Variants in VWA3B observed in about 807,000 individuals in gnomAD.
The protein encoded by VWA3B is von Willebrand factor A domain containing 3B.
Under a neutral mutation model 158.3 loss-of-function variants are expected in VWA3B, and 138 were observed. The ratio of observed to expected loss-of-function variants is 0.87; its 90% CI spans 0.76 to 1.00. The LOEUF is 1.00. Among genes scored for constraint, VWA3B ranks in the 50% least tolerant of loss-of-function variants. VWA3B has a pLI of 0.00. For synonymous variants in VWA3B, 596 were observed against 587.3 expected, an observed-to-expected ratio of 1.01 and a Z score of -0.21; for missense variants, 1,555 against 1,565.1, an observed-to-expected ratio of 0.99 and a Z score of 0.11.
At chr2:98,326,095 A>G in the VWA3B span, among the ~76,000 whole-genome samples, 1 of 152,352 alleles carries the variant, frequency 6.6e-6, no homozygotes, top group East Asian at 1.9e-4. Context: ...TCCATGCAAC[A>G]AAGAAGAAAT....
chr2:98,165,916 C>T (rs898634961), intron 8 of VWA3B, among the ~76,000 whole-genome samples: 1 of 152,154 alleles, frequency 6.6e-6, no homozygotes, highest in African/African-American at 2.4e-5. Context: ...CTCCGCCCGG[C>T]AAAGAGAATG....
intron 13 of VWA3B, among the ~76,000 whole-genome samples, chr2:98,213,806 CA>C (rs1213433598): frequency 6.6e-6 from 1 of 152,038 alleles, no homozygotes; most frequent in Non-Finnish European, 1.5e-5. Flanking sequence ...CTAGGCAAGT[CA>C]AGGTGTATTT....
At chr2:98,168,267 T>C (rs1558628018) in intron 8 of VWA3B, among the ~76,000 whole-genome samples, 1 of 151,970 alleles carries the variant, frequency 6.6e-6, no homozygotes, top group Non-Finnish European at 1.5e-5. Context: ...GTCTTAAGAG[T>C]TAACAGAAGG....
chr2:98,113,817 C>T (rs1674325730), intron 2 of VWA3B, among the ~76,000 whole-genome samples: 1 of 152,122 alleles, frequency 6.6e-6, no homozygotes, highest in Non-Finnish European at 1.5e-5. Flanking sequence ...TAAGGTTCAT[C>T]CATGTTGTAA....
At chr2:98,129,193 TGAGAGAGAGAGAGGAGAGA>T (rs975262641) in intron 6 of VWA3B, among the ~76,000 whole-genome samples, 2 of 118,294 alleles carry the variant, frequency 1.7e-5, no homozygotes, top group East Asian at 4.6e-4. Context: ...AGAGAGAGAG[TGAGAGAGAGAGAGGAGAGA>T]GAGAGAGAGA....
At chr2:98,268,017 A>G (rs376925207) in intron 21 of VWA3B, among the ~76,000 whole-genome samples, 4 of 152,116 alleles carry the variant, frequency 2.6e-5, no homozygotes, top group Non-Finnish European at 5.9e-5. Context: ...GAGTAGACCA[A>G]TAACAGGATC....
intron 25 of VWA3B, among the ~76,000 whole-genome samples, chr2:98,302,567 A>T (rs139888156): frequency 1.3e-5 from 2 of 152,338 alleles, no homozygotes; most frequent in East Asian, 3.9e-4. Flanking sequence ...ACTGTGTGCC[A>T]TGCATTCCAA....
At chr2:98,188,687 G>T (rs1258694319) in intron 10 of VWA3B, among the ~76,000 whole-genome samples, 1 of 152,114 alleles carries the variant, frequency 6.6e-6, no homozygotes, top group Non-Finnish European at 1.5e-5. Context: ...TCTTTTGTAT[G>T]GTTTAGTAGT....
intron 8 of VWA3B, among the ~76,000 whole-genome samples, chr2:98,178,868 G>A (rs1332748936): frequency 2.0e-5 from 3 of 152,144 alleles, no homozygotes; most frequent in African/African-American, 7.2e-5. Flanking sequence ...ACTCTATAGC[G>A]CTGGTGGACA....
chr2:98,240,777 G>A (rs1430781229), intron 19 of VWA3B, among the ~76,000 whole-genome samples: 2 of 152,078 alleles, frequency 1.3e-5, no homozygotes, highest in African/African-American at 2.4e-5. Flanking sequence ...TTTTCTCTGA[G>A]ATGTATGTGA....
chr2:98,244,101 A>G (rs950209361), intron 19 of VWA3B, among the ~76,000 whole-genome samples: 4 of 152,216 alleles, frequency 2.6e-5, no homozygotes, highest in East Asian at 1.9e-4. Flanking sequence ...TACTTTAACA[A>G]TCAATAGCTG....
intron 19 of VWA3B, chr2:98,245,665 A>T: frequency 2.2e-6 from 1 of 454,330 alleles, no homozygotes. Context: ...GCTGATCATG[A>T]TGAAATGTTA....
chr2:98,296,129 ATT>A (rs535375370), intron 23 of VWA3B, among the ~76,000 whole-genome samples: 18 of 152,388 alleles, frequency 1.2e-4, no homozygotes, highest in Non-Finnish European at 2.4e-4. Flanking sequence ...CAACTTCTCA[ATT>A]TAGGCAAACA....
intron 21 of VWA3B, among the ~76,000 whole-genome samples, chr2:98,258,848 C>G (rs920336731): frequency 6.6e-6 from 1 of 151,794 alleles, no homozygotes; most frequent in Non-Finnish European, 1.5e-5. Context: ...ATTGATCTAG[C>G]TAGTACTTCC....
chr2:98,095,792 C>T (rs1682666355), intron 2 of VWA3B, among the ~76,000 whole-genome samples: 1 of 152,138 alleles, frequency 6.6e-6, no homozygotes, highest in Admixed American at 6.5e-5. Flanking sequence ...AGGCACATTT[C>T]TTCTATACAT....
At chr2:98,318,707 T>C in the VWA3B span, among the ~76,000 whole-genome samples, 1 of 152,344 alleles carries the variant, frequency 6.6e-6, no homozygotes, top group African/African-American at 2.4e-5. Context: ...AACCTGCACA[T>C]GTACCCCTGA....
intron 26 of VWA3B, among the ~76,000 whole-genome samples, chr2:98,304,801 G>A (rs1403322625): frequency 1.3e-5 from 2 of 151,946 alleles, no homozygotes; most frequent in Admixed American, 1.3e-4. Flanking sequence ...ACACAGGTTG[G>A]CCTCCTGTTC....
chr2:98,186,158 A>T (rs1299960247), intron 9 of VWA3B, among the ~76,000 whole-genome samples: 20 of 128,370 alleles, frequency 1.6e-4, no homozygotes, highest in Admixed American at 2.4e-4. Context: ...ACTTCCTTGA[A>T]TTTTTTTTTT....
At chr2:98,218,135 C>G (rs1684191246) in intron 14 of VWA3B, 107 bp downstream of exon 14, 1 of 1,256,064 alleles carries the variant, frequency 8.0e-7, no homozygotes, top group African/African-American at 1.5e-5. Context: ...ATAGAGATAA[C>G]TAAGTCAAAA....
Sources: allele counts gnomAD v4.1 joint callset (sites outside exome capture counted in the v4.1 genomes callset), GRCh38; gene constraint gnomAD v4.1.1; transcripts MANE v1.5; gene names NCBI Gene and HGNC (gene_info 2026-07-23, HGNC 2026-07-21).